The following ZFHX3 variants were observed in gnomAD, a reference collection of about 807,000 sequenced individuals.
ZFHX3 encodes the protein zinc finger homeobox protein 3.
A neutral mutation model predicts 279.1 loss-of-function variants in ZFHX3; 42 were observed. The ratio of observed to expected loss-of-function variants is 0.15; its 90% CI spans 0.12 to 0.19. The LOEUF is 0.19. Ranked by LOEUF, ZFHX3 falls within the 10% of genes least tolerant of loss-of-function variation. ZFHX3 has a pLI of 1.00. For missense variants in ZFHX3, 4,981 were observed against 4,754.0 expected (o/e 1.05, Z -1.40); for synonymous variants, 2,293 against 1,957.8 (o/e 1.17, Z -4.52).
intron 1 of ZFHX3, among the ~76,000 whole-genome samples, chr16:73,787,617 T>C (rs886889670): frequency 1.3e-5 from 2 of 152,188 alleles, no homozygotes; most frequent in South Asian, 2.1e-4. Context: ...ATAAGTTTCA[T>C]GTAGCTTCAT....
chr16:73,658,475 G>A (rs748319991), intron 2 of ZFHX3, among the ~76,000 whole-genome samples: 1 of 152,134 alleles, frequency 6.6e-6, no homozygotes, highest in Admixed American at 6.5e-5. Flanking sequence ...GCTAATTTTT[G>A]TATTTCTGAT....
At chr16:73,778,124 T>G (rs1959321510) in intron 1 of ZFHX3, among the ~76,000 whole-genome samples, 1 of 150,406 alleles carries the variant, frequency 6.6e-6, no homozygotes, top group Non-Finnish European at 1.5e-5. Context: ...AGAGCAGATG[T>G]TGAAAATGAC....
intron 2 of ZFHX3, among the ~76,000 whole-genome samples, chr16:73,624,364 A>T (rs2052395997): frequency 6.6e-6 from 1 of 152,124 alleles, no homozygotes; most frequent in African/African-American, 2.4e-5. Context: ...CGTTATCGTG[A>T]GTTTAATATG....
intron 3 of ZFHX3, among the ~76,000 whole-genome samples, chr16:73,408,016 G>A (rs2017395552): frequency 6.6e-6 from 1 of 152,022 alleles, no homozygotes; most frequent in Admixed American, 6.6e-5. Flanking sequence ...CCCCTGGGGA[G>A]GCCAAGAGGA....
Position 72,794,206 on chromosome 16 carries a change from C to G in ZFHX3, c.8476G>C (p.Asp2826His), listed in dbSNP as rs1597235975. 5 of 1,613,992 alleles carry G rather than the reference C, an allele frequency of 3.1e-6. No homozygotes were observed. Among genetic ancestry groups the G allele is most frequent in the South Asian group, 1.1e-5 (1 of 91,064 alleles). Residue 2826 changes from aspartate (D) to histidine (H), a missense_variant, in exon 9 of 10, where the codon GAC (aspartate) becomes CAC (histidine). Physicochemically the swap from Asp to His is moderately conservative, Grantham distance 81. This residue lies in a region of ZFHX3 where 744 missense variants were observed against 701.3 expected (regional missense o/e 1.06). Transcript: ENST00000268489. This position sits in a 1 kb window ranked among gnomAD's most constrained non-coding sequence, Gnocchi z 4.2. ...PSMSSVNLNFDQTKLDNDDCS... is the reference protein window; with the variant it reads ...PSMSSVNLNFHQTKLDNDDCS... ...TCATCGTTGTCCAGCTTAGTTTGGT[C>G]AAAGTTTAGATTAACTGAGGACATG...
intron 1 of ZFHX3, among the ~76,000 whole-genome samples, chr16:73,766,893 T>C (rs2053951452): frequency 6.6e-6 from 1 of 151,782 alleles, no homozygotes; most frequent in Non-Finnish European, 1.5e-5. Context: ...TGGTGTTAAG[T>C]ATTAGATTGG....
At chr16:73,755,335 A>T (rs889750649) in intron 1 of ZFHX3, among the ~76,000 whole-genome samples, 1 of 152,062 alleles carries the variant, frequency 6.6e-6, no homozygotes, top group Non-Finnish European at 1.5e-5. Context: ...TAGAAAGAAG[A>T]AAAAAAAGAT....
At chr16:72,903,211 C>T (rs1180832900) in intron 3 of ZFHX3, among the ~76,000 whole-genome samples, 2 of 152,164 alleles carry the variant, frequency 1.3e-5, no homozygotes, top group East Asian at 1.9e-4. Flanking sequence ...GGGCAGGTCC[C>T]GCCAAGAATC....
At chr16:73,037,635 T>C (rs2144692660) in intron 1 of ZFHX3, among the ~76,000 whole-genome samples, 1 of 152,244 alleles carries the variant, frequency 6.6e-6, no homozygotes, top group East Asian at 1.9e-4. Flanking sequence ...GGGCCTGCAC[T>C]TCAGGCTCCT....
intron 3 of ZFHX3, among the ~76,000 whole-genome samples, chr16:72,929,327 T>C (rs541691365): frequency 5.1e-4 from 77 of 152,124 alleles, no homozygotes; most frequent in Non-Finnish European, 7.9e-4. Flanking sequence ...TCTACCTATA[T>C]GTTAAATTAA....
At chr16:73,854,043 T>C (rs966654057) in intron 1 of ZFHX3, among the ~76,000 whole-genome samples, 2 of 152,196 alleles carry the variant, frequency 1.3e-5, no homozygotes. Context: ...AAACAAAGCA[T>C]ACAGCACAAT....
At chr16:73,196,495 G>A (rs1323501957) in intron 5 of ZFHX3, among the ~76,000 whole-genome samples, 1 of 151,938 alleles carries the variant, frequency 6.6e-6, no homozygotes, top group Non-Finnish European at 1.5e-5. Context: ...CTGAACTGGG[G>A]CTTGAAAACA....
intron 7 of ZFHX3, among the ~76,000 whole-genome samples, chr16:73,119,059 T>C (rs1241256807): frequency 6.6e-6 from 1 of 152,138 alleles, no homozygotes; most frequent in Non-Finnish European, 1.5e-5. Context: ...ATTTCAGGAA[T>C]CCTACTTGAA....
intron 1 of ZFHX3, among the ~76,000 whole-genome samples, chr16:73,691,291 C>G (rs908132152): frequency 1.4e-4 from 21 of 152,038 alleles, no homozygotes; most frequent in African/African-American, 5.1e-4. Flanking sequence ...CACTCTTCCT[C>G]TACAACGGAA....
intron 4 of ZFHX3, among the ~76,000 whole-genome samples, chr16:72,866,456 G>A (rs1011609374): frequency 1.3e-5 from 2 of 152,154 alleles, no homozygotes; most frequent in Admixed American, 1.3e-4. Flanking sequence ...GTGCATTCAT[G>A]AGCATTCTTC....
rs1961332777 is a variant in ZFHX3 at position 73,842,354 on chromosome 16, T to TCC, written c.-1608+49295_-1608+49296dup. On this transcript the variant is annotated intron_variant, in intron 1 of 17. Coordinates refer to the ZFHX3 transcript ENST00000641206. Reference sequence around the variant, plus strand: ...AGGTCTTAGGTGAGCTGCTGGTGCCTCCCCAGGATCATGGTGGGAAGGAAT... The same window carrying TCC: ...AGGTCTTAGGTGAGCTGCTGGTGCCTCCCCCCAGGATCATGGTGGGAAGGAAT... Among the ~76,000 whole-genome samples the TCC allele has an allele frequency of 2.0e-5, 3 of 152,076 alleles. No homozygotes were observed. The Middle Eastern group carries it at 0.01, about 517-fold the overall frequency.
chr16:73,860,904 G>C (rs1047240429), intron 1 of ZFHX3, among the ~76,000 whole-genome samples: 2 of 152,100 alleles, frequency 1.3e-5, no homozygotes, highest in African/African-American at 2.4e-5. Flanking sequence ...GTTCTATATG[G>C]GGAGGGGAGG....
At chr16:73,036,183 G>A (rs1226556630) in intron 1 of ZFHX3, among the ~76,000 whole-genome samples, 1 of 152,188 alleles carries the variant, frequency 6.6e-6, no homozygotes, top group African/African-American at 2.4e-5. Flanking sequence ...GGGGAGGGCT[G>A]CGGGAGGAAG....
At chr16:73,529,934 T>TC (rs1185348089) in intron 2 of ZFHX3, among the ~76,000 whole-genome samples, 2 of 67,334 alleles carry the variant, frequency 3.0e-5, no homozygotes, top group East Asian at 6.4e-4. Flanking sequence ...GGAAGTATTT[T>TC]GGGTGTGTGT....
Sources: gnomAD v4.1 joint callset for allele counts (sites outside exome capture counted in the v4.1 genomes callset) on GRCh38, gnomAD v4.1.1 for gene constraint, gnomAD v4.1.1 regional missense constraint, Gnocchi (gnomAD v3.1) non-coding constraint, MANE v1.5 for transcripts, NCBI Gene and HGNC (gene_info 2026-07-23, HGNC 2026-07-21) for gene names.